The following ADAMTS17 variants were observed in gnomAD, a reference collection of about 807,000 sequenced individuals.
ADAMTS17 encodes A disintegrin and metalloproteinase with thrombospondin motifs 17.
Under a neutral mutation model 141.5 loss-of-function variants are expected in ADAMTS17, and 113 were observed. The ratio of observed to expected loss-of-function variants is 0.80; its 90% CI spans 0.69 to 0.93. The LOEUF (loss-of-function observed/expected upper bound fraction) is 0.93. Ranked by LOEUF, ADAMTS17 falls within the 40% of genes least tolerant of loss-of-function variation. The pLI, the probability that ADAMTS17 is intolerant of heterozygous loss-of-function variation, is 0.00. For missense variants in ADAMTS17, 1,659 were observed against 1,517.9 expected, an observed-to-expected ratio of 1.09 and a Z score of -1.54; for synonymous variants, 768 against 630.6, an observed-to-expected ratio of 1.22 and a Z score of -3.27.
intron 18 of ADAMTS17, among the ~76,000 whole-genome samples, chr15:100,013,831 C>A (rs747414647): frequency 6.6e-6 from 1 of 152,052 alleles, no homozygotes; most frequent in Non-Finnish European, 1.5e-5. Context: ...TGAAGGATAT[C>A]GGTCTGTAGT....
chr15:100,298,970 T>G (rs2141800690), intron 3 of ADAMTS17, among the ~76,000 whole-genome samples: 1 of 152,308 alleles, frequency 6.6e-6, no homozygotes, highest in East Asian at 1.9e-4. Context: ...GCCTCTCTCC[T>G]TTGCTTGTAG....
At chr15:100,237,752 T>C (rs566428799) in intron 7 of ADAMTS17, among the ~76,000 whole-genome samples, 2 of 152,250 alleles carry the variant, frequency 1.3e-5, no homozygotes, top group East Asian at 3.9e-4. Flanking sequence ...GCCTCCCAAG[T>C]AGCTGGAATT....
chr15:100,121,356 G>A (rs1427308472), intron 12 of ADAMTS17, among the ~76,000 whole-genome samples: 1 of 152,148 alleles, frequency 6.6e-6, no homozygotes, highest in Non-Finnish European at 1.5e-5. Flanking sequence ...CAAGAAGCTC[G>A]AGAAATTCCA....
At chr15:100,066,341 C>T (rs189095071) in intron 15 of ADAMTS17, among the ~76,000 whole-genome samples, 81 of 152,048 alleles carry the variant, frequency 5.3e-4, no homozygotes, top group African/African-American at 1.4e-3. Flanking sequence ...ACTGTGATCA[C>T]GCTTGTCAGG....
At chr15:100,118,104 A>T (rs1450400679) in intron 12 of ADAMTS17, among the ~76,000 whole-genome samples, 1 of 152,122 alleles carries the variant, frequency 6.6e-6, no homozygotes, top group Non-Finnish European at 1.5e-5. Context: ...ATAAAGGTCT[A>T]CTCCAGGGGT....
intron 11 of ADAMTS17, among the ~76,000 whole-genome samples, chr15:100,132,907 G>A (rs754402016): frequency 6.6e-6 from 1 of 152,196 alleles, no homozygotes; most frequent in Non-Finnish European, 1.5e-5. Flanking sequence ...TGTATGGCAG[G>A]TGATGTTGTT....
chr15:100,048,965 G>A lies in ADAMTS17; in HGVS notation c.2483C>T (p.Thr828Ile). 1.2e-6 allele frequency: 2 copies of A among 1,614,198 alleles called. No individual in the cohort carries two copies. Among genetic ancestry groups the A allele is most frequent in the Non-Finnish European group, 1.7e-6 (2 of 1,180,046 alleles). Residue 828 changes from threonine (T) to isoleucine (I), a missense_variant, in exon 18 of 22, where the codon ACA becomes ATA. Transcript: ENST00000268070. ...GGERRTIVSC[T>I]RIVNKTTTLV... ...AGTTGTGGTCTTGTTGACAATCCGT[G>A]TACACGAGACGATGGTTCTGCGCTC...
intron 3 of ADAMTS17, among the ~76,000 whole-genome samples, chr15:100,292,112 AGTCACGAGAGACGCTCAGCCCG>A (rs1488274234): frequency 1.3e-4 from 20 of 151,262 alleles, no homozygotes; most frequent in African/African-American, 4.6e-4. Context: ...GCCCGTGGGG[AGTCACGAGAGACGCTCAGCCCG>A]TGGGGAGTCA....
intron 2 of ADAMTS17, among the ~76,000 whole-genome samples, chr15:100,340,159 G>A (rs1237006371): frequency 6.6e-6 from 1 of 152,224 alleles, no homozygotes; most frequent in Admixed American, 6.5e-5. Context: ...TGCCGGCCAT[G>A]TGTGCGGCTT....
At chr15:100,121,266 A>G (rs1201911326) in intron 12 of ADAMTS17, among the ~76,000 whole-genome samples, 2 of 152,238 alleles carry the variant, frequency 1.3e-5, no homozygotes, top group African/African-American at 2.4e-5. Flanking sequence ...GAGAAAAAAG[A>G]GAGAAAGGGT....
rs961001141 is a variant in ADAMTS17, at chr15:100,240,332, A to G, written c.1075+13804T>C. On this transcript the variant is annotated intron_variant, in intron 7 of 21. Coordinates refer to ENST00000268070, the MANE Select transcript of ADAMTS17 (RefSeq NM_139057.4). ...TTCCTCCTCAGCCCCAGATGCCTTCAGCAACGTCAGGAATGTGTTCCAAGA... is the reference window on the plus strand; with the variant it reads ...TTCCTCCTCAGCCCCAGATGCCTTCGGCAACGTCAGGAATGTGTTCCAAGA... 7.9e-5 allele frequency among the ~76,000 whole-genome samples: 12 copies of G among 152,368 alleles called. 1 individual carries two copies. The highest frequency in any genetic ancestry group is 2.9e-4 in the African/African-American group (12 of 41,588).
At chr15:99,999,548 G>A (rs1359290564) in intron 18 of ADAMTS17, among the ~76,000 whole-genome samples, 1 of 152,136 alleles carries the variant, frequency 6.6e-6, no homozygotes, top group Non-Finnish European at 1.5e-5. Context: ...AGGAAGGGGA[G>A]AGCGAGGGGA....
chr15:100,049,019 G>C (rs2054568), intron 17 of ADAMTS17, 27 bp from the exon 18 acceptor site: 2 of 1,614,158 alleles, frequency 1.2e-6, no homozygotes, highest in Non-Finnish European at 1.7e-6. Context: ...AGGGAGCTGA[G>C]AGACTGTGGC....
chr15:100,097,835 T>C (rs1193569558), intron 14 of ADAMTS17, among the ~76,000 whole-genome samples: 5 of 152,246 alleles, frequency 3.3e-5, no homozygotes, highest in African/African-American at 1.2e-4. Context: ...AGGTGAATGC[T>C]CTTCATATTT....
chr15:100,004,147 G>T (rs1035800820), intron 18 of ADAMTS17, among the ~76,000 whole-genome samples: 1 of 152,260 alleles, frequency 6.6e-6, no homozygotes, highest in African/African-American at 2.4e-5. Flanking sequence ...AGAGCAGAGC[G>T]CTGTGCCCGG....
At chr15:99,977,781 G>C (rs986197720) in intron 20 of ADAMTS17, among the ~76,000 whole-genome samples, 1 of 152,032 alleles carries the variant, frequency 6.6e-6, no homozygotes, top group Non-Finnish European at 1.5e-5. Flanking sequence ...CCTCTACTCA[G>C]ATTCTGCTCT....
chr15:100,187,961 G>A (rs536644196), intron 8 of ADAMTS17, among the ~76,000 whole-genome samples: 1 of 152,342 alleles, frequency 6.6e-6, no homozygotes, highest in Admixed American at 6.5e-5. Context: ...GTGTGCGACT[G>A]TAGTCCAAGC....
chr15:100,238,483 C>T (rs551198474), intron 7 of ADAMTS17, among the ~76,000 whole-genome samples: 5 of 152,282 alleles, frequency 3.3e-5, no homozygotes, highest in Middle Eastern at 6.8e-3. Context: ...GTATGAATGA[C>T]GGAAAAGCAG....
intron 4 of ADAMTS17, among the ~76,000 whole-genome samples, chr15:100,275,200 T>TAA (rs1182326965): frequency 6.6e-6 from 1 of 152,082 alleles, no homozygotes; most frequent in African/African-American, 2.4e-5. Context: ...ACAAAGACAG[T>TAA]AAGTCAAGTT....
Sources: gnomAD v4.1 joint callset for allele counts (sites outside exome capture counted in the v4.1 genomes callset) on GRCh38, gnomAD v4.1.1 for gene constraint, MANE v1.5 for transcripts, NCBI Gene and HGNC (gene_info 2026-07-23, HGNC 2026-07-21) for gene names.